STX11: variants seen among roughly 807,000 people sequenced by gnomAD.
STX11 encodes the protein syntaxin-11.
STX11 carries 21 observed loss-of-function variants against 19.9 expected under a neutral mutation model. The observed-to-expected ratio is 1.06, with a 90% CI of 0.75 to 1.52. The LOEUF is 1.52. Among genes scored for constraint, STX11 ranks in the 40% most tolerant of loss-of-function variants. STX11 has a pLI of 0.00. For synonymous variants in STX11, 193 were observed against 174.4 expected (o/e 1.11, Z -0.84); for missense variants, 438 against 405.9 (o/e 1.08, Z -0.68).
rs367778856 is a variant in STX11, at chr6:144,187,019, A to G, written c.392A>G (p.Gln131Arg). 6 of 1,611,694 alleles carry G rather than the reference A, an allele frequency of 3.7e-6. No homozygotes were observed. The highest frequency in any genetic ancestry group is 3.3e-5 in the Admixed American group (2 of 59,962). Residue 131 changes from glutamine (Q) to arginine (R), a missense_variant, in exon 2 of 2, where the codon CAG becomes CGG. Gln to Arg is a conservative substitution (Grantham distance 43). Coordinates refer to ENST00000367568, the MANE Select transcript of STX11 (RefSeq NM_003764.4). The surrounding 1 kb of genome is among the most constrained non-coding windows in gnomAD (Gnocchi z 5.6). ...GCAGTGGCGCGCATTTCGCGGGCGC[A>G]GTACAACGCGCTCACCCTCACCTTC... ...HSAVARISRA[Q>R]YNALTLTFQR...
In STX11 at chr6:144,180,183, T is replaced by G. The variant is rs1043185506; in HGVS notation, c.-5-6440T>G. ...CAGGAAAAGGTTTTGTTTCCTGGTT[T>G]TGGCAAAATTTGCTTAATGCATATA... On this transcript the variant is annotated intron_variant, in intron 1 of 1. Coordinates refer to ENST00000367568, the MANE Select transcript of STX11 (RefSeq NM_003764.4). This position sits in a 1 kb window ranked among gnomAD's most constrained non-coding sequence, Gnocchi z 5.3. Among the ~76,000 whole-genome samples the G allele has an allele frequency of 1.3e-5, 2 of 152,250 alleles. No homozygotes were observed. The highest frequency in any genetic ancestry group is 6.5e-5 in the Admixed American group (1 of 15,292).
chr6:144,155,950 CTTTCTT>C lies in STX11; in HGVS notation c.-6+5249_-6+5254del, dbSNP rs1562655312. On this transcript the variant is annotated intron_variant, in intron 1 of 1. Transcript: ENST00000367568. The surrounding 1 kb of genome is among the most constrained non-coding windows in gnomAD (Gnocchi z 4.5). ...GTGTTTTAAAATTTAATCTTTCTTT[CTTTCTT>C]TCTTTCTTTCTTTCTTTCTTTCTTT... 6.6e-5 allele frequency among the ~76,000 whole-genome samples: 2 copies of C among 30,150 alleles called. No individual in the cohort carries two copies. Among genetic ancestry groups the C allele is most frequent in the Non-Finnish European group, 1.2e-4 (2 of 16,194 alleles). The allele number at this position is 30,150 out of a possible 152,430, so 19.8% of individuals were successfully genotyped here.
rs1287463304 is a variant in STX11 at position 144,183,498 on chromosome 6, A to G, written c.-5-3125A>G. Among the ~76,000 whole-genome samples the G allele has an allele frequency of 1.3e-5, 2 of 152,264 alleles. No individual in the cohort carries two copies. Among genetic ancestry groups the G allele is most frequent in the African/African-American group, 4.8e-5 (2 of 41,468 alleles). On this transcript the variant is annotated intron_variant, in intron 1 of 1. Transcript: ENST00000367568. The surrounding 1 kb of genome is among the most constrained non-coding windows in gnomAD (Gnocchi z 4.6). Reference sequence around the variant, plus strand: ...TGCACACTTGAAAAGCTTTTGATACATATTACTAAACTGACTTCCAGAAAG... The same window carrying G: ...TGCACACTTGAAAAGCTTTTGATACGTATTACTAAACTGACTTCCAGAAAG...
intron 1 of STX11, among the ~76,000 whole-genome samples, chr6:144,166,819 C>T (rs1323852579): frequency 1.3e-5 from 2 of 152,236 alleles, no homozygotes; most frequent in South Asian, 2.1e-4. Context: ...AGCCACAGTG[C>T]CTGGCCCCAC....
the STX11 span, among the ~76,000 whole-genome samples, chr6:144,141,716 T>C: frequency 6.6e-6 from 1 of 152,032 alleles, no homozygotes; most frequent in East Asian, 1.9e-4. Context: ...TCTCATTCCA[T>C]TGTCCAGGCT....
chr6:144,187,367 T>G lies in STX11; in HGVS notation c.740T>G (p.Leu247Arg). 1.2e-6 allele frequency: 2 copies of G among 1,610,396 alleles called. No homozygotes were observed. Among genetic ancestry groups the G allele is most frequent in the Non-Finnish European group, 1.7e-6 (2 of 1,179,950 alleles). The stretch of plus-strand genomic sequence containing the variant: ...GCCGACACCCTGAACGTCATCGAGC[T>G]CAACGTACAAAAGACGGTCGACTAC... The part of the protein sequence containing the change: ...KQADTLNVIE[L>R]NVQKTVDYTG... The change falls in exon 2 of 2, where the codon CTC (leucine) becomes CGC (arginine). Residue 247 changes from leucine to arginine, a missense_variant. Transcript: ENST00000367568. The surrounding 1 kb of genome is among the most constrained non-coding windows in gnomAD (Gnocchi z 5.6).
Position 144,169,977 on chromosome 6 carries a change from G to T in STX11, c.-5-16646G>T, listed in dbSNP as rs1801586291. Among the ~76,000 whole-genome samples, 1 of 152,162 alleles carries T rather than the reference G, an allele frequency of 6.6e-6. No homozygotes were observed. The highest frequency in any genetic ancestry group is 2.4e-5 in the African/African-American group (1 of 41,450). Reference sequence around the variant, plus strand: ...ACAGGTGTGAGCCACCATGCATGGAGTGTTTACTATTTTTTAACTTAACTT... The same window carrying T: ...ACAGGTGTGAGCCACCATGCATGGATTGTTTACTATTTTTTAACTTAACTT... On this transcript the variant is annotated intron_variant, in intron 1 of 1. Coordinates refer to ENST00000367568, the MANE Select transcript of STX11 (RefSeq NM_003764.4). This position sits in a 1 kb window ranked among gnomAD's most constrained non-coding sequence, Gnocchi z 5.2.
In STX11 at chr6:144,153,052, C is replaced by T. The variant is rs989961061; in HGVS notation, c.-6+2349C>T. ...TGTGAGCCAAAATGAATAAATCTACCGTATCACAGTTTACTGTTGCAATTG... is the reference window on the plus strand; with the variant it reads ...TGTGAGCCAAAATGAATAAATCTACTGTATCACAGTTTACTGTTGCAATTG... On this transcript the variant is annotated intron_variant, in intron 1 of 1. Transcript: ENST00000367568. The surrounding 1 kb of genome is among the most constrained non-coding windows in gnomAD (Gnocchi z 5.0). 1.5e-4 allele frequency among the ~76,000 whole-genome samples: 23 copies of T among 152,298 alleles called. No individual in the cohort carries two copies. Among genetic ancestry groups the T allele is most frequent in the African/African-American group, 5.5e-4 (23 of 41,560 alleles).
At chr6:144,156,218 T>C (rs1801161015) in intron 1 of STX11, among the ~76,000 whole-genome samples, 1 of 151,674 alleles carries the variant, frequency 6.6e-6, no homozygotes, top group African/African-American at 2.4e-5. Context: ...GGATGCACCA[T>C]CACACGTGGC....
upstream of STX11, among the ~76,000 whole-genome samples, chr6:144,148,428 C>T (rs746068851): frequency 3.3e-5 from 5 of 152,134 alleles, no homozygotes; most frequent in South Asian, 6.2e-4. Flanking sequence ...ATATAACATA[C>T]CTCATCCCTC....
Position 144,172,457 on chromosome 6 carries a change from C to T in STX11, c.-5-14166C>T, listed in dbSNP as rs74420294. 9.0e-3 allele frequency among the ~76,000 whole-genome samples: 1,370 copies of T among 152,284 alleles called. 28 individuals carry two copies. The highest frequency in any genetic ancestry group is 0.032 in the African/African-American group (1,313 of 41,542). On this transcript the variant is annotated intron_variant, in intron 1 of 1. Transcript: ENST00000367568. The surrounding 1 kb of genome is among the most constrained non-coding windows in gnomAD (Gnocchi z 4.2). ...CTAGTGCTGTTGAAGCCTCTGCTTG[C>T]TCCATGTTTCCTCCCATCCTCTTGG...
At chr6:144,145,789 C>T (rs1476930044), upstream of STX11, among the ~76,000 whole-genome samples, 1 of 152,028 alleles carries the variant, frequency 6.6e-6, no homozygotes, top group East Asian at 1.9e-4. Context: ...ATGGTGGTTG[C>T]TAAGGGTGAG....
rs1392823644 is a variant in STX11 at position 144,174,777 on chromosome 6, A to G, written c.-5-11846A>G. Among the ~76,000 whole-genome samples the G allele has an allele frequency of 6.7e-6, 1 of 148,360 alleles. No individual in the cohort carries two copies. The highest frequency in any genetic ancestry group is 6.6e-5 in the Admixed American group (1 of 15,112). ...TGTGGGATGAGAACAGATGCTCACC[A>G]CGTCATGGAAATAATCTAATTGGTT... On this transcript the variant is annotated intron_variant, in intron 1 of 1. Coordinates refer to ENST00000367568, the MANE Select transcript of STX11 (RefSeq NM_003764.4). The surrounding 1 kb of genome is among the most constrained non-coding windows in gnomAD (Gnocchi z 5.3).
At chr6:144,149,239 G>A (rs1017975495), upstream of STX11, among the ~76,000 whole-genome samples, 3 of 152,066 alleles carry the variant, frequency 2.0e-5, no homozygotes, top group African/African-American at 7.2e-5. This position sits in a 1 kb window ranked among gnomAD's most constrained non-coding sequence, Gnocchi z 5.1. Context: ...TAAATTATTT[G>A]GAATTATTCT....
chr6:144,141,194 A>G, the STX11 span, among the ~76,000 whole-genome samples: 1 of 152,250 alleles, frequency 6.6e-6, no homozygotes, highest in African/African-American at 2.4e-5. Context: ...AAGTGGATCA[A>G]CTAGATTATC....
intron 1 of STX11, among the ~76,000 whole-genome samples, chr6:144,179,790 G>A (rs1253568904): frequency 1.3e-5 from 2 of 152,178 alleles, no homozygotes; most frequent in African/African-American, 4.8e-5. Context: ...GCACCCTATA[G>A]ACCAATAGTG....
rs1435153458 is a variant in STX11, at chr6:144,162,945, G to T, written c.-6+12242G>T. On this transcript the variant is annotated intron_variant, in intron 1 of 1. Coordinates refer to ENST00000367568, the MANE Select transcript of STX11 (RefSeq NM_003764.4). This position sits in a 1 kb window ranked among gnomAD's most constrained non-coding sequence, Gnocchi z 4.6. ...TCACTGTGTGTAAATACCTTTTGAG[G>T]TTCATTGTCTTATTCTAGTTTGCTC... Among the ~76,000 whole-genome samples, 2 of 152,122 alleles carry T rather than the reference G, an allele frequency of 1.3e-5. No homozygotes were observed. Among genetic ancestry groups the T allele is most frequent in the African/African-American group, 4.8e-5 (2 of 41,406 alleles).
chr6:144,165,933 T>C lies in STX11; in HGVS notation c.-6+15230T>C, dbSNP rs965104201. On this transcript the variant is annotated intron_variant, in intron 1 of 1. Coordinates refer to ENST00000367568, the MANE Select transcript of STX11 (RefSeq NM_003764.4). This position sits in a 1 kb window ranked among gnomAD's most constrained non-coding sequence, Gnocchi z 5.8. Reference sequence around the variant, plus strand: ...ACAGATGTTAATTGTCTTGCTCAACTTCTCGCAGCTAGAGATGGAAATGGG... The same window carrying C: ...ACAGATGTTAATTGTCTTGCTCAACCTCTCGCAGCTAGAGATGGAAATGGG... Among the ~76,000 whole-genome samples the C allele has an allele frequency of 4.6e-5, 7 of 152,252 alleles. No homozygotes were observed. Among genetic ancestry groups the C allele is most frequent in the Non-Finnish European group, 8.8e-5 (6 of 68,050 alleles).
chr6:144,155,615 G>A lies in STX11; in HGVS notation c.-6+4912G>A, dbSNP rs1801115723. Among the ~76,000 whole-genome samples the A allele has an allele frequency of 6.6e-6, 1 of 152,118 alleles. No homozygotes were observed. Among genetic ancestry groups the A allele is most frequent in the African/African-American group, 2.4e-5 (1 of 41,414 alleles). On this transcript the variant is annotated intron_variant, in intron 1 of 1. Transcript: ENST00000367568. The surrounding 1 kb of genome is among the most constrained non-coding windows in gnomAD (Gnocchi z 4.5). The stretch of plus-strand genomic sequence containing the variant: ...AGGGTTTTGGCTAATATTTCATATC[G>A]GTTTGTCTTGGCTGTTCAATTCAAC...
Sources: gnomAD v4.1 joint callset for allele counts (sites outside exome capture counted in the v4.1 genomes callset) on GRCh38, gnomAD v4.1.1 for gene constraint, Gnocchi (gnomAD v3.1) non-coding constraint, MANE v1.5 for transcripts, NCBI Gene and HGNC (gene_info 2026-07-23, HGNC 2026-07-21) for gene names.